The following PIDD1 variants were observed in gnomAD, a reference collection of about 807,000 sequenced individuals.
The protein encoded by PIDD1 is p53-induced death domain protein 1, also known as p53-induced death domain-containing protein 1.
A neutral mutation model predicts 80.0 loss-of-function variants in PIDD1; 72 were observed. The observed-to-expected ratio is 0.90, with a 90% CI of 0.74 to 1.09. The LOEUF (loss-of-function observed/expected upper bound fraction) is 1.09. PIDD1 is among the 50% of genes least tolerant of loss of function. The probability of loss-of-function intolerance (pLI) is 0.00; values close to 1 mark genes in which losing one functional copy is unlikely to be tolerated. For synonymous variants in PIDD1, 655 were observed against 543.5 expected, an observed-to-expected ratio of 1.21 and a Z score of -2.85; for missense variants, 1,329 against 1,228.3, an observed-to-expected ratio of 1.08 and a Z score of -1.23.
chr11:807,855 T>C (rs908640877), upstream of PIDD1, among the ~76,000 whole-genome samples: 4 of 152,186 alleles, frequency 2.6e-5, no homozygotes, highest in African/African-American at 2.4e-5. Flanking sequence ...GAATCTATGT[T>C]CCCAGGACGC....
At position 802,870 on chromosome 11, in the gene PIDD1, A is replaced by T; in HGVS notation, c.731T>A (p.Leu244His). 1.3e-6 allele frequency: 2 copies of T among 1,574,846 alleles called. No homozygotes were observed. The highest frequency in any genetic ancestry group is 1.3e-5 in the African/African-American group (1 of 74,374). The change falls in exon 4 of 16, where the codon CTC becomes CAC. Residue 244 changes from leucine (L) to histidine (H), a missense_variant. Physicochemically the swap from Leu to His is moderately conservative, Grantham distance 99. Transcript: ENST00000347755. Reference protein sequence around the residue: ...ASLAGLRSLRLLVLHSNLLAS... With the variant: ...ASLAGLRSLRHLVLHSNLLAS... ...CAGGAGGTTGCTGTGCAGGACAAGGAGCCGCAAGGACCGAAGTCCCGCTGC... is the reference window on the plus strand; with the variant it reads ...CAGGAGGTTGCTGTGCAGGACAAGGTGCCGCAAGGACCGAAGTCCCGCTGC...
chr11:802,126 GC>G (rs945758433), intron 6 of PIDD1, 36 bp from the exon 7 acceptor site: 2 of 1,560,506 alleles, frequency 1.3e-6, no homozygotes, highest in African/African-American at 1.4e-5. Context: ...CTGGAGCCAT[GC>G]CCGGGCCCGC....
chr11:804,472 G>A lies in PIDD1; in HGVS notation c.-75-9C>T, dbSNP rs922089072. The A allele has an allele frequency of 1.3e-5, 20 of 1,494,146 alleles. No individual in the cohort carries two copies. The highest frequency in any genetic ancestry group is 6.8e-5 in the Admixed American group (3 of 44,288). 92.6% of individuals were successfully genotyped at this position (1,494,146 alleles called of 1,614,324 possible). A position where few individuals can be genotyped will look rare whatever the true frequency, so the allele number is the denominator to read the frequency against. ...GGCAGCGCCCGGGGAAGCTGCAGAGGCAGGAGGAGGAGTGAGCGGGAGCCG... is the reference window on the plus strand; with the variant it reads ...GGCAGCGCCCGGGGAAGCTGCAGAGACAGGAGGAGGAGTGAGCGGGAGCCG... On this transcript the variant is annotated splice_polypyrimidine_tract_variant and intron_variant, in intron 1 of 15. Transcript: ENST00000347755.
chr11:807,328 A>G (rs1019282288), upstream of PIDD1, among the ~76,000 whole-genome samples: 1 of 149,920 alleles, frequency 6.7e-6, no homozygotes, highest in Non-Finnish European at 1.5e-5. Flanking sequence ...TCTACTAAAA[A>G]ATTAGCTGGG....
chr11:804,321 G>A lies in PIDD1; in HGVS notation c.68C>T (p.Ser23Leu), dbSNP rs761695384. 40 of 1,612,248 alleles carry A rather than the reference G, an allele frequency of 2.5e-5. No individual in the cohort carries two copies. The Admixed American group carries it at 4.0e-4, about 16-fold the overall frequency. ...AGGCAGCGCCCTGGACCCTGCGTCC[G>A]AATCCTCTGAAGCATCTCCTGCGGC... Reference protein sequence around the residue: ...AAAAGDASEDSDAGSRALPFL... With the variant: ...AAAAGDASEDLDAGSRALPFL... The change falls in exon 2 of 16, where the codon TCG (serine) becomes TTG (leucine). Residue 23 changes from serine (S) to leucine (L), a missense_variant. Coordinates refer to ENST00000347755, the MANE Select transcript of PIDD1 (RefSeq NM_145886.4).
In PIDD1 at chr11:799,909, TCAG is replaced by T. The variant is rs775788224; in HGVS notation, c.2377_2379del (p.Leu793del). On this transcript the variant is annotated inframe_deletion, in exon 15 of 16. Transcript: ENST00000347755. ...TCCAGACCCAGACGCCCAGCCACAC[TCAG>T]CAGGTTGCTCTGCGTCAGAAAGCCG... The T allele has an allele frequency of 2.5e-6, 4 of 1,612,576 alleles. No individual in the cohort carries two copies. The highest frequency in any genetic ancestry group is 2.5e-6 in the Non-Finnish European group (3 of 1,179,868).
In PIDD1 at chr11:801,333, G is replaced by A. The variant is rs1455257053; in HGVS notation, c.1515C>T (p.Ala505=). ...CTGCAGCCTCTGGTTCTCCCAGGAG[G>A]GCCTGCAGCTCTCGGCCAGCCATGC... is the stretch of plus-strand genomic sequence containing the variant. ...VVRMAGRELQ[A]LLGEPEAAVS... Residue 505 remains alanine, a synonymous_variant, in exon 9 of 16, where the codon GCC becomes GCT. Transcript: ENST00000347755. 5 of 1,608,814 alleles carry A rather than the reference G, an allele frequency of 3.1e-6. No individual in the cohort carries two copies. The South Asian group carries it at 4.4e-5, about 14-fold the overall frequency.
In PIDD1 at chr11:799,867, G is replaced by A. The variant is rs775710643; in HGVS notation, c.2422C>T (p.Leu808=). 1.9e-6 allele frequency: 3 copies of A among 1,610,648 alleles called. No homozygotes were observed. The highest frequency in any genetic ancestry group is 1.1e-5 in the South Asian group (1 of 90,958). Reference sequence around the variant, plus strand: ...TCCCGGTAGGACACCCCCAGGTGCAGGGCCACGGCTGGCCAGTCCAGACCC... The same window carrying A: ...TCCCGGTAGGACACCCCCAGGTGCAAGGCCACGGCTGGCCAGTCCAGACCC... ...RLGLDWPAVA[L]HLGVSYREVQ... The change falls in exon 15 of 16, where the codon CTG becomes TTG. Residue 808 remains leucine (L), a synonymous_variant. Transcript: ENST00000347755.
At position 804,220 on chromosome 11, in the gene PIDD1, G is replaced by A; in HGVS notation, c.169C>T (p.Gln57Ter). 6.2e-7 allele frequency: 1 copy of A among 1,613,128 alleles called. No individual in the cohort carries two copies. Among genetic ancestry groups the A allele is most frequent in the Non-Finnish European group, 8.5e-7 (1 of 1,179,906 alleles). Residue 57 changes from glutamine to a stop codon, truncating the protein, a stop_gained, in exon 2 of 16, where the codon CAG becomes TAG. Transcript: ENST00000347755. LOFTEE classifies it high-confidence loss of function. Reference protein sequence around the residue: ...CQQLLHLCVQQPLQLLQVEFL... With the variant: ...CQQLLHLCVQ Reference sequence around the variant, plus strand: ...TCCACCTGCAGCAGCTGCAGAGGCTGCTGGACACACAGGTGCAGCAGCTGC... The same window carrying A: ...TCCACCTGCAGCAGCTGCAGAGGCTACTGGACACACAGGTGCAGCAGCTGC...
chr11:803,765 CAG>C lies in PIDD1; in HGVS notation c.296-180_296-179del. 6.9e-6 allele frequency: 5 copies of C among 725,854 alleles called. No homozygotes were observed. In the South Asian group the frequency reaches 7.3e-5, roughly 11 times the overall value. The allele number at this position is 725,854 out of a possible 1,614,324, so 45.0% of individuals were successfully genotyped here. A position where few individuals can be genotyped will look rare whatever the true frequency, so the allele number is the denominator to read the frequency against. ...AGAGGTGCCCGCAAATGGAAGGAGG[CAG>C]GGGTGGAGACCACCGGCTCATCTCA... On this transcript the variant is annotated intron_variant, in intron 2 of 15. Coordinates refer to ENST00000347755, the MANE Select transcript of PIDD1 (RefSeq NM_145886.4).
Position 802,036 on chromosome 11 carries a change from C to T in PIDD1, c.1231G>A (p.Val411Met), listed in dbSNP as rs1294445137. The change falls in exon 7 of 16, where the codon GTG becomes ATG. Residue 411 changes from valine (V) to methionine (M), a missense_variant. By Grantham distance (21) the Val-to-Met change is conservative. Coordinates refer to ENST00000347755, the MANE Select transcript of PIDD1 (RefSeq NM_145886.4). ...TTGTCATTCCGGGTCCTGACCACCACTTCACGGCAGCGCCGGGCCTGCGGT... is the reference window on the plus strand; with the variant it reads ...TTGTCATTCCGGGTCCTGACCACCATTTCACGGCAGCGCCGGGCCTGCGGT... The part of the protein sequence containing the change: ...TPPQARRCRE[V>M]VVRTRNDNSW... 3 of 1,598,178 alleles carry T rather than the reference C, an allele frequency of 1.9e-6. No individual in the cohort carries two copies. Among genetic ancestry groups the T allele is most frequent in the Non-Finnish European group, 2.6e-6 (3 of 1,173,056 alleles).
At position 800,457 on chromosome 11, in the gene PIDD1, G is replaced by A. The variant is rs187834193; in HGVS notation, c.2042-6C>T. The A allele has an allele frequency of 1.6e-5, 26 of 1,612,108 alleles. No homozygotes were observed. The East Asian group carries it at 4.7e-4, about 29-fold the overall frequency. ...CTCCACACAGTCAGGGCGGTCTAGG[G>A]GACAGGGGTGGGCTGAGCAAGGAGG... On this transcript the variant is annotated splice_polypyrimidine_tract_variant and splice_region_variant and intron_variant, in intron 12 of 15. Transcript: ENST00000347755.
Position 799,346 on chromosome 11 carries a change from G to T in PIDD1, c.2694C>A (p.Gly898=). The change falls in exon 16 of 16, where the codon GGC becomes GGA. Residue 898 remains glycine, a synonymous_variant. Coordinates refer to ENST00000347755, the MANE Select transcript of PIDD1 (RefSeq NM_145886.4). ...GLAPKDPALP[G]SSAPQPPEPA... is the part of the protein sequence containing the mutation. ...GCTCTGGGGGCTGTGGAGCCGAGGA[G>T]CCAGGCAGAGCGGGGTCCTTGGGGG... 1 of 1,609,874 alleles carries T rather than the reference G, an allele frequency of 6.2e-7. No homozygotes were observed.
chr11:805,578 G>A, upstream of PIDD1: 1 of 974,536 alleles, frequency 1.0e-6, no homozygotes, highest in Non-Finnish European at 1.2e-6. Context: ...TCCCAGGCCG[G>A]GGTGACGGGG....
Position 799,886 on chromosome 11 carries a change from C to G in PIDD1, c.2403G>C (p.Leu801=). 1 of 1,611,958 alleles carries G rather than the reference C, an allele frequency of 6.2e-7. No homozygotes were observed. The highest frequency in any genetic ancestry group is 8.5e-7 in the Non-Finnish European group (1 of 1,179,784). ...GGTGCAGGGCCACGGCTGGCCAGTC[C>G]AGACCCAGACGCCCAGCCACACTCA... ...NLLSVAGRLG[L]DWPAVALHLG... Residue 801 remains leucine (L), a synonymous_variant, in exon 15 of 16, where the codon CTG becomes CTC. Coordinates refer to ENST00000347755, the MANE Select transcript of PIDD1 (RefSeq NM_145886.4).
rs770226914 is a variant in PIDD1, at chr11:803,285, C to T, written c.598G>A (p.Asp200Asn). The T allele has an allele frequency of 1.7e-5, 28 of 1,613,648 alleles. No homozygotes were observed. Among genetic ancestry groups the T allele is most frequent in the East Asian group, 1.3e-4 (6 of 44,888 alleles). ...LGALSTLQRL[D>N]LSQNLLDTLP... ...GTGTCCAGCAGATTCTGAGAGAGAT[C>T]GAGGCGCTGCAGGGTGGATAGGGCC... The change falls in exon 3 of 16, where the codon GAT (aspartate) becomes AAT (asparagine). Residue 200 changes from aspartate to asparagine, a missense_variant. Transcript: ENST00000347755.
chr11:804,785 C>T (rs113929192), intron 1 of PIDD1: 4,180 of 203,174 alleles, frequency 0.021, 194 homozygotes, highest in African/African-American at 0.091. Context: ...GTCATAGGGG[C>T]TGTTCCCCAG....
rs1865638439 is a variant in PIDD1, at chr11:804,471, G to A, written c.-75-8C>T. On this transcript the variant is annotated splice_polypyrimidine_tract_variant and splice_region_variant and intron_variant, in intron 1 of 15. Coordinates refer to ENST00000347755, the MANE Select transcript of PIDD1 (RefSeq NM_145886.4). ...AGGCAGCGCCCGGGGAAGCTGCAGA[G>A]GCAGGAGGAGGAGTGAGCGGGAGCC... 3 of 1,495,490 alleles carry A rather than the reference G, an allele frequency of 2.0e-6. No homozygotes were observed. The highest frequency in any genetic ancestry group is 2.7e-6 in the Non-Finnish European group (3 of 1,129,312). 92.6% of individuals were successfully genotyped at this position (1,495,490 alleles called of 1,614,324 possible).
chr11:808,166 C>T (rs909485016), upstream of PIDD1, among the ~76,000 whole-genome samples: 2 of 151,940 alleles, frequency 1.3e-5, no homozygotes, highest in African/African-American at 4.8e-5. Flanking sequence ...GTGGCTCGTG[C>T]CTGTAATCCC....
Sources: gnomAD v4.1 joint callset for allele counts (sites outside exome capture counted in the v4.1 genomes callset) on GRCh38, gnomAD v4.1.1 for gene constraint, MANE v1.5 for transcripts, NCBI Gene and HGNC (gene_info 2026-07-23, HGNC 2026-07-21) for gene names.